Variants in MARCHF4 observed in about 807,000 individuals in gnomAD.
The protein encoded by MARCHF4 is membrane associated ring-CH-type finger 4, also known as E3 ubiquitin-protein ligase MARCHF4.
A neutral mutation model predicts 43.9 loss-of-function variants in MARCHF4; 14 were observed. The observed-to-expected ratio is 0.32, with a 90% CI of 0.21 to 0.50. MARCHF4 has a LOEUF of 0.50. Among genes scored for constraint, MARCHF4 ranks in the 20% least tolerant of loss-of-function variants. The probability of loss-of-function intolerance (pLI) is 0.98; values close to 1 mark genes in which losing one functional copy is unlikely to be tolerated. For synonymous variants in MARCHF4, 226 were observed against 213.3 expected (o/e 1.06, Z -0.52); for missense variants, 468 against 536.7 (o/e 0.87, Z 1.27).
At position 216,372,459 on chromosome 2, in the gene MARCHF4, G is replaced by T. The variant is rs751560493; in HGVS notation, c.-2199C>A. Among the ~76,000 whole-genome samples, 36 of 152,082 alleles carry T rather than the reference G, an allele frequency of 2.4e-4. No homozygotes were observed. Among genetic ancestry groups the T allele is most frequent in the Admixed American group, 1.6e-3 (25 of 15,270 alleles). On this transcript the variant is annotated 5_prime_UTR_variant, in exon 1 of 4. Transcript: ENST00000273067. ...GAGAGGAAAAGAAGCTGGAGGGAGA[G>T]GGAGCAAGAGGAGGAGAGAACTGTG...
chr2:216,318,087 C>T (rs546058261), intron 1 of MARCHF4: 8 of 152,322 alleles, frequency 5.3e-5, no homozygotes, highest in Admixed American at 1.3e-4. Context: ...GCAGGAAGCT[C>T]GATTCAAGTC....
At chr2:216,296,665 A>T (rs1691400727) in intron 1 of MARCHF4, among the ~76,000 whole-genome samples, 3 of 152,004 alleles carry the variant, frequency 2.0e-5, no homozygotes. Context: ...AGAAAAAGAA[A>T]CCTCTGCCCT....
At chr2:216,348,977 C>G (rs1692360972) in intron 1 of MARCHF4, among the ~76,000 whole-genome samples, 1 of 151,888 alleles carries the variant, frequency 6.6e-6, no homozygotes, top group African/African-American at 2.4e-5. Flanking sequence ...TATCACAGTC[C>G]TTCAGTCTTT....
rs987395810 is a variant in MARCHF4, at chr2:216,360,568, G to A, written c.516+9177C>T. ...TCCAACTATCTGACATCCTGGAAAA[G>A]GCCAAATATTTTGCCGGGAGATCGG... On this transcript the variant is annotated intron_variant, in intron 1 of 3. Coordinates refer to ENST00000273067, the MANE Select transcript of MARCHF4 (RefSeq NM_020814.3). Among the ~76,000 whole-genome samples the A allele has an allele frequency of 3.3e-5, 5 of 152,004 alleles. No homozygotes were observed. In the East Asian group the frequency reaches 7.7e-4, roughly 23 times the overall value.
intron 1 of MARCHF4, among the ~76,000 whole-genome samples, chr2:216,354,157 A>G (rs1325684349): frequency 6.6e-6 from 1 of 152,186 alleles, no homozygotes; most frequent in Non-Finnish European, 1.5e-5. Context: ...AAAGAGGAGT[A>G]AGCACATCTC....
chr2:216,271,816 G>A (rs1169063089), intron 3 of MARCHF4, among the ~76,000 whole-genome samples: 2 of 151,614 alleles, frequency 1.3e-5, no homozygotes, highest in Non-Finnish European at 2.9e-5. Context: ...TTTGAGACAT[G>A]GTCTTACTGT....
chr2:216,345,603 T>C (rs1435527051), intron 1 of MARCHF4, among the ~76,000 whole-genome samples: 6 of 152,190 alleles, frequency 3.9e-5, no homozygotes, highest in Non-Finnish European at 8.8e-5. Context: ...ATTGACTTAA[T>C]TGGTCTGGTT....
At chr2:216,354,285 G>T in intron 1 of MARCHF4, among the ~76,000 whole-genome samples, 1 of 152,184 alleles carries the variant, frequency 6.6e-6, no homozygotes, top group Non-Finnish European at 1.5e-5. Flanking sequence ...CTGATGAGGA[G>T]AATCAGGGTT....
At chr2:216,300,352 A>G (rs1325672357) in intron 1 of MARCHF4, among the ~76,000 whole-genome samples, 89 of 143,470 alleles carry the variant, frequency 6.2e-4, no homozygotes, top group East Asian at 9.9e-4. Flanking sequence ...ATATATATGT[A>G]TATATATATA....
intron 1 of MARCHF4, among the ~76,000 whole-genome samples, chr2:216,323,708 T>A (rs1480538050): frequency 6.6e-6 from 1 of 152,164 alleles, no homozygotes; most frequent in Non-Finnish European, 1.5e-5. Flanking sequence ...TGCTCCTGAA[T>A]GACTACTGGG....
chr2:216,329,568 C>T (rs1692052221), intron 1 of MARCHF4, among the ~76,000 whole-genome samples: 1 of 151,066 alleles, frequency 6.6e-6, no homozygotes, highest in African/African-American at 2.4e-5. Flanking sequence ...GGGAAAAATA[C>T]TGGATTAATA....
chr2:216,308,665 C>T (rs553135155), intron 1 of MARCHF4, among the ~76,000 whole-genome samples: 1 of 152,330 alleles, frequency 6.6e-6, no homozygotes, highest in South Asian at 2.1e-4. Flanking sequence ...TCAGCATTTG[C>T]CCCTGAGAGT....
chr2:216,283,197 TTTC>T (rs1292403416), intron 2 of MARCHF4, among the ~76,000 whole-genome samples: 3 of 152,132 alleles, frequency 2.0e-5, no homozygotes, highest in Admixed American at 6.5e-5. Flanking sequence ...TTTCTCTCTT[TTTC>T]TTCTTCTTCC....
At chr2:216,305,868 A>G (rs1037478473) in intron 1 of MARCHF4, among the ~76,000 whole-genome samples, 1 of 152,214 alleles carries the variant, frequency 6.6e-6, no homozygotes, top group African/African-American at 2.4e-5. Flanking sequence ...ATCCTCAAAC[A>G]TAAAGAGGCA....
intron 1 of MARCHF4, among the ~76,000 whole-genome samples, chr2:216,361,742 T>C (rs1310852255): frequency 6.6e-6 from 1 of 152,084 alleles, no homozygotes; most frequent in African/African-American, 2.4e-5. Flanking sequence ...CAAAAACAGC[T>C]TGGGGTTTAC....
chr2:216,271,881 C>T lies in MARCHF4; in HGVS notation c.865+5791G>A, dbSNP rs192052254. 7.0e-4 allele frequency among the ~76,000 whole-genome samples: 107 copies of T among 151,984 alleles called. 1 individual carries two copies. The highest frequency in any genetic ancestry group is 4.8e-3 in the Admixed American group (74 of 15,268). ...TCATAACTCACTGCAGCCTTGGCCTCCTGTGCTCAAGCGATCCTCCTATCT... is the reference window on the plus strand; with the variant it reads ...TCATAACTCACTGCAGCCTTGGCCTTCTGTGCTCAAGCGATCCTCCTATCT... On this transcript the variant is annotated intron_variant, in intron 3 of 3. Transcript: ENST00000273067.
Position 216,306,841 on chromosome 2 carries a change from C to CTT in MARCHF4, c.517-23114_517-23113dup, listed in dbSNP as rs143894436. ...CCAGGACTTTGGGTGTTAAAATCTC[C>CTT]TTTTTTTTCCCCTACTGTACTATTT... On this transcript the variant is annotated intron_variant, in intron 1 of 3. Coordinates refer to ENST00000273067, the MANE Select transcript of MARCHF4 (RefSeq NM_020814.3). Among the ~76,000 whole-genome samples, 3 of 152,004 alleles carry CTT rather than the reference C, an allele frequency of 2.0e-5. No individual in the cohort carries two copies. The East Asian group carries it at 5.8e-4, about 29-fold the overall frequency.
chr2:216,360,162 G>C (rs1692555188), intron 1 of MARCHF4, among the ~76,000 whole-genome samples: 1 of 152,130 alleles, frequency 6.6e-6, no homozygotes, highest in Non-Finnish European at 1.5e-5. Context: ...GGCACTTCTT[G>C]ATGTCCACAG....
intron 2 of MARCHF4, among the ~76,000 whole-genome samples, chr2:216,279,999 G>A (rs1348837203): frequency 6.6e-6 from 1 of 152,120 alleles, no homozygotes; most frequent in African/African-American, 2.4e-5. Context: ...GGCCCAGAAA[G>A]CTTCTCTTCA....
Sources: gnomAD v4.1 joint callset for allele counts (sites outside exome capture counted in the v4.1 genomes callset) on GRCh38, gnomAD v4.1.1 for gene constraint, MANE v1.5 for transcripts, NCBI Gene and HGNC (gene_info 2026-07-23, HGNC 2026-07-21) for gene names.